FANCA: variants seen among roughly 807,000 people sequenced by gnomAD.
The protein encoded by FANCA is FA complementation group A.
Under a neutral mutation model 194.3 loss-of-function variants are expected in FANCA, and 236 were observed. The ratio of observed to expected loss-of-function variants is 1.21; its 90% CI spans 1.09 to 1.35. The LOEUF (loss-of-function observed/expected upper bound fraction) is 1.35, where lower values mean the gene tolerates loss of function less well. FANCA is among the 40% of genes most tolerant of loss of function. The pLI is 0.00. For synonymous variants in FANCA, 1,014 were observed against 715.8 expected (o/e 1.42, Z -6.65); for missense variants, 2,628 against 1,813.9 (o/e 1.45, Z -8.15).
chr16:89,797,537 G>T (rs1386502495), intron 10 of FANCA, among the ~76,000 whole-genome samples: 2 of 152,244 alleles, frequency 1.3e-5, no homozygotes, highest in South Asian at 2.1e-4. Flanking sequence ...AGCCCCCAGT[G>T]TGCAAGGGAA....
At chr16:89,764,865 T>C (rs759029868) in intron 28 of FANCA, 25 bp downstream of exon 28, 11 of 1,611,372 alleles carry the variant, frequency 6.8e-6, no homozygotes, top group East Asian at 2.2e-5. Flanking sequence ...CGTGGCATGA[T>C]GCAGGAGAAG....
intron 38 of FANCA, 81 bp from the exon 39 acceptor site, chr16:89,740,180 A>G: frequency 5.5e-6 from 6 of 1,084,886 alleles, no homozygotes; most frequent in Non-Finnish European, 8.6e-6. Flanking sequence ...TCAGCACAGA[A>G]GAGGGCATTT....
chr16:89,813,819 TG>T (rs2040998269), intron 3 of FANCA, among the ~76,000 whole-genome samples: 2 of 151,840 alleles, frequency 1.3e-5, no homozygotes, highest in Non-Finnish European at 2.9e-5. Context: ...TGTGTGTGTG[TG>T]TGTGTGTGTG....
chr16:89,798,493 C>G (rs1325739524), intron 10 of FANCA: 1 of 1,102,614 alleles, frequency 9.1e-7, no homozygotes, highest in African/African-American at 1.6e-5. Flanking sequence ...GTTGACAAGG[C>G]CTGGAAACAG....
At chr16:89,799,010 G>T (rs1019711690) in intron 10 of FANCA, 156 bp downstream of exon 10, 1 of 1,614,204 alleles carries the variant, frequency 6.2e-7, no homozygotes, top group African/African-American at 1.3e-5. Flanking sequence ...CTTTCCCATG[G>T]TCGCCTCCTC....
At chr16:89,762,111 A>C in intron 28 of FANCA, 89 bp from the exon 29 acceptor site, 701 of 968,880 alleles carry the variant, frequency 7.2e-4, no homozygotes, top group Non-Finnish European at 1.1e-3. Context: ...ATTTCATCTC[A>C]TACGCAGTCC....
chr16:89,799,498 A>C, intron 9 of FANCA, 107 bp downstream of exon 9: 2 of 1,172,276 alleles, frequency 1.7e-6, no homozygotes. Flanking sequence ...CTGCACAGTG[A>C]AACATACAGA....
At chr16:89,765,609 A>G (rs1441503285) in intron 27 of FANCA, among the ~76,000 whole-genome samples, 1 of 152,240 alleles carries the variant, frequency 6.6e-6, no homozygotes, top group Non-Finnish European at 1.5e-5. Context: ...CTCTGCCAGG[A>G]ATGGCGTTCC....
intron 29 of FANCA, among the ~76,000 whole-genome samples, chr16:89,759,363 TCACCTGAGGG>T (rs976294906): frequency 3.6e-5 from 4 of 111,526 alleles, no homozygotes; most frequent in Non-Finnish European, 7.7e-5. Flanking sequence ...GCCTGGAAAG[TCACCTGAGGG>T]CACCTGAGCT....
rs1377089391 is a variant in FANCA at position 89,738,077 on chromosome 16, G to C, written c.*524C>G. The C allele has an allele frequency of 6.2e-7, 1 of 1,614,102 alleles. No homozygotes were observed. Among genetic ancestry groups the C allele is most frequent in the African/African-American group, 1.3e-5 (1 of 75,038 alleles). On this transcript the variant is annotated 3_prime_UTR_variant, in exon 43 of 43. Coordinates refer to ENST00000389301, the MANE Select transcript of FANCA (RefSeq NM_000135.4). ...GAGCTGGACTTTGCCTGTGACCAGTGTGGCCGGCGGTTTGAGAAGGCCCAC... is the reference window on the plus strand; with the variant it reads ...GAGCTGGACTTTGCCTGTGACCAGTCTGGCCGGCGGTTTGAGAAGGCCCAC...
At chr16:89,785,004 C>T (rs1466731543) in intron 14 of FANCA, 40 bp from the exon 15 acceptor site, 7 of 1,452,978 alleles carry the variant, frequency 4.8e-6, no homozygotes, top group East Asian at 2.3e-5. Flanking sequence ...GACAGCCAGG[C>T]GCGGCTGCAC....
chr16:89,745,050 G>T lies in FANCA; in HGVS notation c.3535C>A (p.Pro1179Thr). Reference protein sequence around the residue: ...SALVWWPSLEPVLLCRWRRHC... With the variant: ...SALVWWPSLETVLLCRWRRHC... ...CTCCTCCACCGGCAGAGCAGCACAG[G>T]CTCCAGGCTCGGCCACCACACCTAT... The change falls in exon 36 of 43, where the codon CCT (proline) becomes ACT (threonine). Residue 1179 changes from proline (P) to threonine (T), a missense_variant. By Grantham distance (38) the Pro-to-Thr change is conservative (BLOSUM62 -1). Transcript: ENST00000389301. 1 of 1,607,832 alleles carries T rather than the reference G, an allele frequency of 6.2e-7. No individual in the cohort carries two copies. The highest frequency in any genetic ancestry group is 1.7e-4 in the Middle Eastern group (1 of 6,056).
rs143314367 is a variant in FANCA, at chr16:89,808,347, C to A, written c.543G>T (p.Ala181=). ...TGCCTTGTACGTGAAGATGCCACAC[C>A]GCTTCAAGCAACAAAGAACTCTGAA... ...WKIQSSLLLE[A]VWHLHVQGIV... The change falls in exon 6 of 43, where the codon GCG becomes GCT. Residue 181 remains alanine, a synonymous_variant. Coordinates refer to ENST00000389301, the MANE Select transcript of FANCA (RefSeq NM_000135.4). 8.7e-6 allele frequency: 14 copies of A among 1,613,996 alleles called. No homozygotes were observed. The highest frequency in any genetic ancestry group is 2.2e-5 in the East Asian group (1 of 44,898).
At chr16:89,801,238 G>A (rs1193361660) in intron 8 of FANCA, among the ~76,000 whole-genome samples, 1 of 150,776 alleles carries the variant, frequency 6.6e-6, no homozygotes, top group African/African-American at 2.4e-5. Context: ...CAGCTATTCA[G>A]GAGGCTGAGG....
Position 89,784,930 on chromosome 16 carries a change from C to A in FANCA, c.1394G>T (p.Cys465Phe). 1 of 1,614,124 alleles carries A rather than the reference C, an allele frequency of 6.2e-7. No homozygotes were observed. Among genetic ancestry groups the A allele is most frequent in the Non-Finnish European group, 8.5e-7 (1 of 1,179,992 alleles). The change falls in exon 15 of 43, where the codon TGC becomes TTC. Residue 465 changes from cysteine (C) to phenylalanine (F), a missense_variant. By Grantham distance (205) the Cys-to-Phe change is radical (BLOSUM62 -2). Coordinates refer to ENST00000389301, the MANE Select transcript of FANCA (RefSeq NM_000135.4). The part of the protein sequence containing the change: ...SFGSTRGYHG[C>F]SKKALVFLFT... Reference sequence around the variant, plus strand: ...CAGGAAGACCAGGGCCTTCTTGCTGCAGCCATGGTAGCCTCGTGTGCTCCC... The same window carrying A: ...CAGGAAGACCAGGGCCTTCTTGCTGAAGCCATGGTAGCCTCGTGTGCTCCC...
intron 17 of FANCA, among the ~76,000 whole-genome samples, chr16:89,781,466 G>C (rs2039701961): frequency 6.6e-6 from 1 of 150,380 alleles, no homozygotes; most frequent in Non-Finnish European, 1.5e-5. Context: ...GAGGTCAGGA[G>C]ATTGAGACCA....
At chr16:89,746,801 G>T in intron 34 of FANCA, 30 bp downstream of exon 34, 1 of 1,573,976 alleles carries the variant, frequency 6.4e-7, no homozygotes, top group Non-Finnish European at 8.6e-7. Context: ...TTCTGAGAAG[G>T]CCACGAGAGG....
In FANCA at chr16:89,748,989, AAAC is replaced by A. The variant is rs17233490; in HGVS notation, c.3240-225_3240-223del. On this transcript the variant is annotated intron_variant, in intron 32 of 42. Transcript: ENST00000389301. ...CTGCATTCAAAATGTGTTACCAAAC[AAAC>A]AACTTTTAACAGTTACATAATAACC... Among the ~76,000 whole-genome samples, 9,053 of 152,282 alleles carry A rather than the reference AAAC, an allele frequency of 0.059. 410 individuals are homozygous for A. The highest frequency in any genetic ancestry group is 0.22 in the East Asian group (1,116 of 5,172).
intron 30 of FANCA, among the ~76,000 whole-genome samples, chr16:89,756,283 G>T (rs1281407028): frequency 1.3e-5 from 2 of 152,172 alleles, no homozygotes; most frequent in Non-Finnish European, 2.9e-5. Context: ...ACCCATTAGG[G>T]AAGTGCAAAT....
Sources: allele counts gnomAD v4.1 joint callset (sites outside exome capture counted in the v4.1 genomes callset), GRCh38; gene constraint gnomAD v4.1.1; transcripts MANE v1.5; gene names NCBI Gene and HGNC (gene_info 2026-07-23, HGNC 2026-07-21).